Variants in SPPL3 observed in about 807,000 individuals in gnomAD.
The protein encoded by SPPL3 is signal peptide peptidase like 3.
SPPL3 carries 5 observed loss-of-function variants against 42.4 expected under a neutral mutation model. The ratio of observed to expected loss-of-function variants is 0.12; its 90% CI spans 0.06 to 0.25. The LOEUF is 0.25. Ranked by LOEUF, SPPL3 falls within the 10% of genes least tolerant of loss-of-function variation. The pLI is 1.00. For missense variants in SPPL3, 235 were observed against 489.0 expected, an observed-to-expected ratio of 0.48 and a Z score of 4.90; for synonymous variants, 195 against 181.8, an observed-to-expected ratio of 1.07 and a Z score of -0.58.
intron 1 of SPPL3, among the ~76,000 whole-genome samples, chr12:120,839,109 A>G (rs899267669): frequency 9.9e-5 from 15 of 152,040 alleles, no homozygotes; most frequent in Non-Finnish European, 2.1e-4. Flanking sequence ...GAACCAACCC[A>G]AATGTCCAAC....
At chr12:120,794,522 C>T (rs982984222) in intron 2 of SPPL3, among the ~76,000 whole-genome samples, 5 of 152,068 alleles carry the variant, frequency 3.3e-5, no homozygotes, top group African/African-American at 7.2e-5. Context: ...CTCAGCCTCC[C>T]GAGTAGCTGG....
At chr12:120,870,252 C>G (rs618849) in intron 1 of SPPL3, among the ~76,000 whole-genome samples, 37,023 of 151,768 alleles carry the variant, frequency 0.24, 5,603 homozygotes, top group Non-Finnish European at 0.35. Context: ...TTGAGACCAG[C>G]CTGACCAACA....
chr12:120,818,262 G>A (rs1870945784), intron 1 of SPPL3, among the ~76,000 whole-genome samples: 1 of 152,220 alleles, frequency 6.6e-6, no homozygotes, highest in Non-Finnish European at 1.5e-5. Context: ...TTAGCCAAAT[G>A]TATTGAAAAC....
At chr12:120,861,674 T>C (rs970977694) in intron 1 of SPPL3, among the ~76,000 whole-genome samples, 1 of 152,210 alleles carries the variant, frequency 6.6e-6, no homozygotes, top group African/African-American at 2.4e-5. Flanking sequence ...CTGATATTAC[T>C]CAGTATACAA....
chr12:120,783,742 C>G lies in SPPL3; in HGVS notation c.321G>C (p.Thr107=). 1 of 1,613,460 alleles carries G rather than the reference C, an allele frequency of 6.2e-7. No homozygotes were observed. The highest frequency in any genetic ancestry group is 8.5e-7 in the Non-Finnish European group (1 of 1,179,676). Residue 107 remains threonine, a synonymous_variant, in exon 5 of 11, where the codon ACG becomes ACC. Coordinates refer to ENST00000353487, the MANE Select transcript of SPPL3 (RefSeq NM_139015.5). ...VFTICTAVLA[T]IAFAFLLLPM... is the part of the protein sequence containing the mutation. ...GGAGGAGAAGAAAAGCAAAAGCTAT[C>G]GTTGCAAGAACTAGAGAAAGAAAAG... is the stretch of plus-strand genomic sequence containing the variant.
intron 6 of SPPL3, among the ~76,000 whole-genome samples, chr12:120,773,547 C>T (rs1045730477): frequency 6.6e-6 from 1 of 152,176 alleles, no homozygotes; most frequent in African/African-American, 2.4e-5. Context: ...GGGAAACAGA[C>T]TGAACAGAGA....
intron 1 of SPPL3, among the ~76,000 whole-genome samples, chr12:120,820,310 T>G (rs1269519678): frequency 1.5e-3 from 214 of 141,054 alleles, no homozygotes; most frequent in African/African-American, 5.4e-3. Flanking sequence ...CTCTAAATTT[T>G]TTTTTTTTTT....
intron 3 of SPPL3, among the ~76,000 whole-genome samples, chr12:120,786,204 T>A (rs1259768000): frequency 6.6e-6 from 1 of 152,220 alleles, no homozygotes; most frequent in East Asian, 1.9e-4. Context: ...ACAGAAATTA[T>A]CTTGGAAGCA....
intron 1 of SPPL3, among the ~76,000 whole-genome samples, chr12:120,846,929 T>C (rs954904635): frequency 1.3e-5 from 2 of 152,176 alleles, no homozygotes; most frequent in East Asian, 3.8e-4. Context: ...TCTGGGTGTT[T>C]ATATTGTGAC....
At chr12:120,795,650 TCTTTTAC>T (rs141183047) in intron 2 of SPPL3, among the ~76,000 whole-genome samples, 20,258 of 152,016 alleles carry the variant, frequency 0.13, 2,100 homozygotes, top group African/African-American at 0.3. Context: ...TTGGGGATTT[TCTTTTAC>T]CACTCATTTT....
intron 1 of SPPL3, among the ~76,000 whole-genome samples, chr12:120,826,994 G>A (rs972675112): frequency 6.6e-6 from 1 of 152,038 alleles, no homozygotes; most frequent in Non-Finnish European, 1.5e-5. Flanking sequence ...GCTGTAAAGG[G>A]TGCTGGACTC....
In SPPL3 at chr12:120,771,008, GTCTC is replaced by G. The variant is rs200453715; in HGVS notation, c.503-1953_503-1950del. 4.2e-3 allele frequency among the ~76,000 whole-genome samples: 634 copies of G among 152,138 alleles called. 3 individuals are homozygous for G. The highest frequency in any genetic ancestry group is 0.015 in the African/African-American group (605 of 41,494). Reference sequence around the variant, plus strand: ...AAATCTGTGATGTCGTTTTTGACCCGTCTCTCTTTTACACCCTGCCTGGCTTAAG... The same window carrying G: ...AAATCTGTGATGTCGTTTTTGACCCGTCTTTTACACCCTGCCTGGCTTAAG... On this transcript the variant is annotated intron_variant, in intron 6 of 10. Coordinates refer to ENST00000353487, the MANE Select transcript of SPPL3 (RefSeq NM_139015.5).
intron 1 of SPPL3, among the ~76,000 whole-genome samples, chr12:120,865,538 TACAC>T (rs1352176774): frequency 1.3e-5 from 2 of 152,234 alleles, no homozygotes; most frequent in African/African-American, 4.8e-5. Flanking sequence ...CATGGGTCCT[TACAC>T]ACAGTTAAGT....
intron 1 of SPPL3, among the ~76,000 whole-genome samples, chr12:120,900,224 TC>T (rs1051006859): frequency 8.6e-5 from 13 of 151,822 alleles, no homozygotes; most frequent in African/African-American, 2.9e-4. Context: ...CTTCACCGAG[TC>T]CATCCTCAGA....
At chr12:120,852,371 T>C (rs2461475) in intron 1 of SPPL3, among the ~76,000 whole-genome samples, 8,592 of 54,432 alleles carry the variant, frequency 0.16, 1,640 homozygotes, top group African/African-American at 0.27. Context: ...GAAATATATG[T>C]ATATATAATA....
intron 1 of SPPL3, among the ~76,000 whole-genome samples, chr12:120,863,788 C>G (rs932237924): frequency 2.0e-5 from 3 of 147,136 alleles, no homozygotes; most frequent in African/African-American, 7.4e-5. Context: ...CCCACAGGGT[C>G]AAGTCACCAC....
At chr12:120,834,986 A>G (rs73229157) in intron 1 of SPPL3, among the ~76,000 whole-genome samples, 6,352 of 152,296 alleles carry the variant, frequency 0.042, 185 homozygotes, top group South Asian at 0.11. Context: ...GGGGTGAAAA[A>G]TGAGGTTCAG....
At chr12:120,868,473 T>TTTC (rs1566065242) in intron 1 of SPPL3, among the ~76,000 whole-genome samples, 1 of 152,098 alleles carries the variant, frequency 6.6e-6, no homozygotes, top group Non-Finnish European at 1.5e-5. Flanking sequence ...TTTCTTTTTT[T>TTTC]TTGTTTTTGT....
At chr12:120,865,811 T>C (rs1275362836) in intron 1 of SPPL3, among the ~76,000 whole-genome samples, 1 of 152,192 alleles carries the variant, frequency 6.6e-6, no homozygotes, top group Admixed American at 6.5e-5. Flanking sequence ...TGTTAGAAAC[T>C]GGGCCGTACT....
Sources: gnomAD v4.1 joint callset for allele counts (sites outside exome capture counted in the v4.1 genomes callset) on GRCh38, gnomAD v4.1.1 for gene constraint, MANE v1.5 for transcripts, NCBI Gene and HGNC (gene_info 2026-07-23, HGNC 2026-07-21) for gene names.